DENND1A: variants seen among roughly 807,000 people sequenced by gnomAD.
DENND1A encodes DENN domain containing 1A.
A neutral mutation model predicts 113.7 loss-of-function variants in DENND1A; 51 were observed. That is an observed-to-expected ratio of 0.45 (90% CI 0.36 to 0.57). The LOEUF (loss-of-function observed/expected upper bound fraction) is 0.57, where lower values mean the gene tolerates loss of function less well. DENND1A is among the 20% of genes least tolerant of loss of function. DENND1A has a pLI of 0.00. For missense variants in DENND1A, 1,258 were observed against 1,395.9 expected, an observed-to-expected ratio of 0.90 and a Z score of 1.57; for synonymous variants, 565 against 570.8, an observed-to-expected ratio of 0.99 and a Z score of 0.14.
At chr9:123,734,273 C>T (rs1459925540) in intron 5 of DENND1A, among the ~76,000 whole-genome samples, 4 of 152,206 alleles carry the variant, frequency 2.6e-5, no homozygotes, top group African/African-American at 9.7e-5. Flanking sequence ...TACCCTGAAA[C>T]CAACAGAAGT....
In DENND1A at chr9:123,778,094, CAA is replaced by C. The variant is rs565601450; in HGVS notation, c.133-8533_133-8532del. ...ACTGAAATAAAGAAATTATATAATT[CAA>C]AAAGTTTTCTAACATCTAACACTCA... On this transcript the variant is annotated intron_variant, in intron 3 of 23. Coordinates refer to ENST00000394215, the MANE Select transcript of DENND1A (RefSeq NM_001352964.2). 4.6e-3 allele frequency among the ~76,000 whole-genome samples: 707 copies of C among 152,100 alleles called. 5 individuals are homozygous for C. Among genetic ancestry groups the C allele is most frequent in the African/African-American group, 0.016 (650 of 41,512 alleles).
chr9:123,693,674 A>G (rs2065313424), intron 5 of DENND1A, among the ~76,000 whole-genome samples: 1 of 152,000 alleles, frequency 6.6e-6, no homozygotes, highest in South Asian at 2.1e-4. Flanking sequence ...ATAGAGTTCC[A>G]TGGACATGCC....
chr9:123,809,277 T>C (rs180957850), intron 2 of DENND1A, among the ~76,000 whole-genome samples: 189 of 152,266 alleles, frequency 1.2e-3, no homozygotes, highest in Non-Finnish European at 2.0e-3. Flanking sequence ...TTTCAGAAAA[T>C]CACAATAGCC....
In DENND1A at chr9:123,422,445, A is replaced by G. The variant is rs1055841530; in HGVS notation, c.1489-10616T>C. ...GAAGCAATGGGAAGCTTAGATATGA[A>G]ATATCCCAAAATTTCCCTAGTGTGT... On this transcript the variant is annotated intron_variant, in intron 19 of 23. Transcript: ENST00000394215. The surrounding 1 kb of genome is among the most constrained non-coding windows in gnomAD (Gnocchi z 4.8). Among the ~76,000 whole-genome samples the G allele has an allele frequency of 6.6e-6, 1 of 152,208 alleles. No individual in the cohort carries two copies. Among genetic ancestry groups the G allele is most frequent in the African/African-American group, 2.4e-5 (1 of 41,438 alleles).
At chr9:123,441,445 A>T (rs2046925518) in intron 18 of DENND1A, among the ~76,000 whole-genome samples, 1 of 152,222 alleles carries the variant, frequency 6.6e-6, no homozygotes, top group Admixed American at 6.5e-5. Flanking sequence ...GACTTGGGAA[A>T]CATTTAGGGA....
chr9:123,757,295 G>A (rs535616597), intron 5 of DENND1A, among the ~76,000 whole-genome samples: 4 of 152,250 alleles, frequency 2.6e-5, no homozygotes, highest in Admixed American at 6.5e-5. Context: ...ACTTTAAGGC[G>A]GACACAGTCT....
chr9:123,545,452 T>C (rs1404562830), intron 13 of DENND1A, among the ~76,000 whole-genome samples: 1 of 151,834 alleles, frequency 6.6e-6, no homozygotes, highest in Admixed American at 6.6e-5. Context: ...GGCATAGGAA[T>C]AAGATCTCCT....
At chr9:123,732,312 A>T (rs1026521626) in intron 5 of DENND1A, among the ~76,000 whole-genome samples, 2 of 152,252 alleles carry the variant, frequency 1.3e-5, no homozygotes, top group Non-Finnish European at 1.5e-5. Flanking sequence ...ATAGCGAATA[A>T]ACAAACTATG....
chr9:123,566,999 A>C (rs2058091388), intron 12 of DENND1A, among the ~76,000 whole-genome samples: 1 of 152,040 alleles, frequency 6.6e-6, no homozygotes, highest in Non-Finnish European at 1.5e-5. Flanking sequence ...AGGAGACTAC[A>C]AGATCTGAGC....
At chr9:123,573,076 C>T (rs968232608) in intron 12 of DENND1A, among the ~76,000 whole-genome samples, 12 of 152,046 alleles carry the variant, frequency 7.9e-5, no homozygotes, top group Non-Finnish European at 1.3e-4. Context: ...ATTACTTTGG[C>T]ATATTTGTTG....
Position 123,827,311 on chromosome 9 carries a change from G to A in DENND1A, c.89-34681C>T, listed in dbSNP as rs183461183. On this transcript the variant is annotated intron_variant, in intron 2 of 23. Coordinates refer to ENST00000394215, the MANE Select transcript of DENND1A (RefSeq NM_001352964.2). Reference sequence around the variant, plus strand: ...CTAAAGTCCTAAGTCTGAAAGAAAAGAAGAACTAGAATAAGATTATTTAGT... The same window carrying A: ...CTAAAGTCCTAAGTCTGAAAGAAAAAAAGAACTAGAATAAGATTATTTAGT... Among the ~76,000 whole-genome samples the A allele has an allele frequency of 2.6e-4, 39 of 151,334 alleles. 1 individual carries two copies. Among genetic ancestry groups the A allele is most frequent in the Non-Finnish European group, 3.1e-4 (21 of 67,870 alleles).
intron 1 of DENND1A, chr9:123,928,886 T>C (rs776074118): frequency 1.0e-6 from 1 of 985,462 alleles, no homozygotes; most frequent in Non-Finnish European, 1.2e-6. Context: ...AGGAAAGTTG[T>C]TTTACAGAAA....
intron 11 of DENND1A, among the ~76,000 whole-genome samples, chr9:123,606,577 A>G (rs1317387527): frequency 2.0e-5 from 3 of 152,228 alleles, no homozygotes; most frequent in African/African-American, 7.2e-5. Context: ...CAATTATATA[A>G]AAAGTAAAAA....
At chr9:123,597,979 T>G (rs1374131270) in intron 11 of DENND1A, among the ~76,000 whole-genome samples, 2 of 152,214 alleles carry the variant, frequency 1.3e-5, no homozygotes, top group African/African-American at 2.4e-5. Flanking sequence ...AATGCCCCAG[T>G]AGCAGCCAGG....
At chr9:123,394,988 C>T (rs992088733) in intron 21 of DENND1A, among the ~76,000 whole-genome samples, 10 of 152,204 alleles carry the variant, frequency 6.6e-5, no homozygotes, top group African/African-American at 2.4e-4. Context: ...TGGCTACAGC[C>T]GTGGCTCCCT....
intron 13 of DENND1A, among the ~76,000 whole-genome samples, chr9:123,473,135 C>T (rs558374224): frequency 1.8e-4 from 27 of 152,086 alleles, no homozygotes; most frequent in Non-Finnish European, 3.5e-4. Flanking sequence ...AGCTTCTAGC[C>T]CCATGCCTGG....
intron 1 of DENND1A, among the ~76,000 whole-genome samples, chr9:123,880,746 C>A (rs1168826801): frequency 6.6e-6 from 1 of 152,096 alleles, no homozygotes; most frequent in Non-Finnish European, 1.5e-5. Context: ...AGAAACATGG[C>A]CAGGACCAGA....
chr9:123,721,644 C>T (rs975788139), intron 5 of DENND1A, among the ~76,000 whole-genome samples: 40 of 152,202 alleles, frequency 2.6e-4, no homozygotes, highest in African/African-American at 9.7e-4. Flanking sequence ...CTTTCCCATG[C>T]TGTTCTGATG....
intron 13 of DENND1A, among the ~76,000 whole-genome samples, chr9:123,462,536 T>A (rs963331311): frequency 1.3e-5 from 2 of 152,068 alleles, no homozygotes; most frequent in African/African-American, 4.8e-5. Flanking sequence ...GTGGCTCACG[T>A]CTGTAATCTC....
Sources: allele counts gnomAD v4.1 joint callset (sites outside exome capture counted in the v4.1 genomes callset), GRCh38; gene constraint gnomAD v4.1.1; non-coding constraint Gnocchi (gnomAD v3.1); transcripts MANE v1.5; gene names NCBI Gene and HGNC (gene_info 2026-07-23, HGNC 2026-07-21).